The following EP400 variants were observed in gnomAD, a reference collection of about 807,000 sequenced individuals.
EP400 encodes the protein E1A binding protein p400, also known as E1A-binding protein p400.
Under a neutral mutation model 354.1 loss-of-function variants are expected in EP400, and 105 were observed. That is an observed-to-expected ratio of 0.30 (90% CI 0.25 to 0.35). The LOEUF (loss-of-function observed/expected upper bound fraction) is 0.35. EP400 is among the 10% of genes least tolerant of loss of function. The pLI, the probability that EP400 is intolerant of heterozygous loss-of-function variation, is 1.00. For missense variants in EP400, 3,280 were observed against 4,121.0 expected (o/e 0.80, Z 5.59); for synonymous variants, 1,646 against 1,716.9 (o/e 0.96, Z 1.02).
chr12:131,974,475 A>G (rs1016288610), intron 2 of EP400, among the ~76,000 whole-genome samples: 1 of 152,146 alleles, frequency 6.6e-6, no homozygotes, highest in African/African-American at 2.4e-5. Context: ...GGTAGCTGCC[A>G]ACTACTATTG....
At chr12:132,069,258 C>T (rs1895996512) in intron 50 of EP400, 1 of 519,226 alleles carries the variant, frequency 1.9e-6, no homozygotes, top group Non-Finnish European at 3.3e-6. Flanking sequence ...GGGCTGCAGG[C>T]AACGGCCAGG....
At chr12:132,051,174 T>A (rs1445822152) in intron 41 of EP400, among the ~76,000 whole-genome samples, 2 of 152,194 alleles carry the variant, frequency 1.3e-5, no homozygotes, top group African/African-American at 4.8e-5. Flanking sequence ...TGGGTGTCTG[T>A]AGCGTTTCTG....
chr12:132,035,285 T>C (rs55879510), intron 30 of EP400, among the ~76,000 whole-genome samples: 47,731 of 152,094 alleles, frequency 0.31, 13,569 homozygotes, highest in African/African-American at 0.76. Flanking sequence ...TTGATGGGGA[T>C]GTGGGATTGC....
chr12:132,011,019 A>G (rs920048808), intron 15 of EP400, among the ~76,000 whole-genome samples: 5 of 152,244 alleles, frequency 3.3e-5, no homozygotes, highest in Non-Finnish European at 7.3e-5. Context: ...ATGTGCCCTG[A>G]CTAAAGCTTG....
intron 12 of EP400, among the ~76,000 whole-genome samples, chr12:131,998,258 A>G (rs982162566): frequency 1.3e-5 from 2 of 152,150 alleles, no homozygotes; most frequent in Non-Finnish European, 1.5e-5. Context: ...GATCTTGTCT[A>G]TTTGGGGACT....
In EP400 at chr12:132,013,173, G is replaced by A; in HGVS notation, c.3606G>A (p.Leu1202=). The change falls in exon 17 of 53, where the codon CTG becomes CTA. Residue 1202 remains leucine, a synonymous_variant. Transcript: ENST00000389561. This position sits in a 1 kb window ranked among gnomAD's most constrained non-coding sequence, Gnocchi z 4.5. The part of the protein sequence containing the change: ...TERHWEAVFT[L]QSQQRLLLID... ...GGCACTGGGAAGCGGTTTTCACCCT[G>A]CAGAGGTCTGTGTGTTACGCGCTTG... 6 of 1,612,510 alleles carry A rather than the reference G, an allele frequency of 3.7e-6. No individual in the cohort carries two copies. The East Asian group carries it at 1.1e-4, about 30-fold the overall frequency.
intron 51 of EP400, among the ~76,000 whole-genome samples, chr12:132,072,358 T>C (rs1896093464): frequency 6.6e-6 from 1 of 152,248 alleles, no homozygotes; most frequent in Non-Finnish European, 1.5e-5. Flanking sequence ...TCACAAATTT[T>C]ATTATTTGGT....
intron 2 of EP400, among the ~76,000 whole-genome samples, chr12:131,970,175 C>T (rs1892239618): frequency 6.6e-6 from 1 of 152,234 alleles, no homozygotes; most frequent in African/African-American, 2.4e-5. Flanking sequence ...TTATAGACCA[C>T]ACTGATAAGT....
chr12:132,011,997 T>C (rs1222867040), intron 16 of EP400, among the ~76,000 whole-genome samples: 1 of 152,214 alleles, frequency 6.6e-6, no homozygotes, highest in Non-Finnish European at 1.5e-5. Flanking sequence ...TGCTCCCAGC[T>C]CTGAATTTAA....
Position 132,027,956 on chromosome 12 carries a change from G to A in EP400, c.5110-61G>A. On this transcript the variant is annotated intron_variant, in intron 26 of 52. Coordinates refer to ENST00000389561, the MANE Select transcript of EP400 (RefSeq NM_015409.5). The surrounding 1 kb of genome is among the most constrained non-coding windows in gnomAD (Gnocchi z 4.9). ...ATCACGGGCTGGGTGGGGGGTTGGTGAAGACAGGAACTTGTCATTCTGTTT... is the reference window on the plus strand; with the variant it reads ...ATCACGGGCTGGGTGGGGGGTTGGTAAAGACAGGAACTTGTCATTCTGTTT... 6.4e-7 allele frequency: 1 copy of A among 1,567,252 alleles called. No individual in the cohort carries two copies. Among genetic ancestry groups the A allele is most frequent in the Non-Finnish European group, 8.7e-7 (1 of 1,150,294 alleles).
intron 6 of EP400, 66 bp from the exon 7 acceptor site, chr12:131,987,639 G>C (rs1593328101): frequency 2.1e-6 from 3 of 1,408,336 alleles, no homozygotes; most frequent in South Asian, 3.1e-5. Context: ...CAAATTTCTG[G>C]GGTCTGAGTT....
chr12:132,061,798 C>G (rs150032547), intron 45 of EP400, among the ~76,000 whole-genome samples: 1 of 152,196 alleles, frequency 6.6e-6, no homozygotes, highest in Non-Finnish European at 1.5e-5. Context: ...ACAGTCGTTA[C>G]GTTCCTGGGG....
rs141771146 is a variant in EP400, at chr12:132,028,191, G to T, written c.5284G>T (p.Gly1762Trp). ...GGATGGCCGTCGTGGGAAGGAGGCC[G>T]GGCCAGCGCACAGTTACACTTCATC... is the stretch of plus-strand genomic sequence containing the variant. ...SLDGRRGKEA[G>W]PAHSYTSSSE... Residue 1762 changes from glycine to tryptophan, a missense_variant, in exon 27 of 53, where the codon GGG becomes TGG. By Grantham distance (184) the Gly-to-Trp change is radical. Coordinates refer to ENST00000389561, the MANE Select transcript of EP400 (RefSeq NM_015409.5). The T allele has an allele frequency of 6.2e-7, 1 of 1,614,152 alleles. No individual in the cohort carries two copies. The highest frequency in any genetic ancestry group is 1.7e-5 in the Admixed American group (1 of 60,008).
Position 131,986,722 on chromosome 12 carries a change from C to T in EP400, c.2138C>T (p.Ala713Val), listed in dbSNP as rs1001346120. ...CGGACCCCAGGGGTGGTGGCATCTG[C>T]CCCCACCAAACCACAGAGTCCTGCT... ...TSRTPGVVASAPTKPQSPAQN... is the reference protein window; with the variant it reads ...TSRTPGVVASVPTKPQSPAQN... The change falls in exon 6 of 53, where the codon GCC (alanine) becomes GTC (valine). Residue 713 changes from alanine (A) to valine (V), a missense_variant. By Grantham distance (64) the Ala-to-Val change is moderately conservative (BLOSUM62 0). This residue lies in a region of EP400 where 800 missense variants were observed against 840.0 expected (regional missense o/e 0.95). Transcript: ENST00000389561. 5 of 1,614,206 alleles carry T rather than the reference C, an allele frequency of 3.1e-6. No individual in the cohort carries two copies. The highest frequency in any genetic ancestry group is 4.2e-6 in the Non-Finnish European group (5 of 1,180,042).
At position 132,050,893 on chromosome 12, in the gene EP400, G is replaced by T; in HGVS notation, c.7394+238G>T. 1.7e-6 allele frequency: 1 copy of T among 584,620 alleles called. No individual in the cohort carries two copies. The highest frequency in any genetic ancestry group is 3.0e-6 in the Non-Finnish European group (1 of 328,206). 36.2% of individuals were successfully genotyped at this position (584,620 alleles called of 1,614,324 possible). On this transcript the variant is annotated intron_variant, in intron 41 of 52. Transcript: ENST00000389561. This position sits in a 1 kb window ranked among gnomAD's most constrained non-coding sequence, Gnocchi z 4.8. ...GGGATTGTCCTTGCTGGCCCTCAGT[G>T]GGGAAAGACGCTGACAGATGTGATG...
chr12:131,973,272 G>GT (rs1447760839), intron 2 of EP400, among the ~76,000 whole-genome samples: 23 of 152,296 alleles, frequency 1.5e-4, no homozygotes, highest in African/African-American at 4.3e-4. Flanking sequence ...TCAGGAGAGC[G>GT]TAAGTCTCTT....
Position 131,987,766 on chromosome 12 carries a change from G to A in EP400, c.2285G>A (p.Arg762His), listed in dbSNP as rs368167632. 8.7e-6 allele frequency: 14 copies of A among 1,612,044 alleles called. No individual in the cohort carries two copies. The highest frequency in any genetic ancestry group is 8.5e-6 in the Non-Finnish European group (10 of 1,179,752). The stretch of plus-strand genomic sequence containing the variant: ...AAAGCAGGTCTGTGGTCCCAGAGGC[G>A]TCTGCCAAAGCTGCAGGAGGCCCCA... ...LRKAGLWSQR[R>H]LPKLQEAPRP... The change falls in exon 7 of 53, where the codon CGT becomes CAT. Residue 762 changes from arginine to histidine, a missense_variant. Arg to His is a conservative substitution (Grantham distance 29). This residue lies in a region of EP400 where 800 missense variants were observed against 840.0 expected (regional missense o/e 0.95). Coordinates refer to ENST00000389561, the MANE Select transcript of EP400 (RefSeq NM_015409.5).
At chr12:132,008,133 A>G (rs889643197) in intron 15 of EP400, among the ~76,000 whole-genome samples, 1 of 152,138 alleles carries the variant, frequency 6.6e-6, no homozygotes, top group African/African-American at 2.4e-5. Flanking sequence ...TTTTTAGTAG[A>G]GATGGGGTTT....
At chr12:132,053,866 A>C (rs1043538065) in intron 43 of EP400, among the ~76,000 whole-genome samples, 5 of 152,000 alleles carry the variant, frequency 3.3e-5, no homozygotes, top group African/African-American at 1.2e-4. Flanking sequence ...AGCTCCTTTT[A>C]GTGGAGGTGG....
Sources: gnomAD v4.1 joint callset for allele counts (sites outside exome capture counted in the v4.1 genomes callset) on GRCh38, gnomAD v4.1.1 for gene constraint, gnomAD v4.1.1 regional missense constraint, Gnocchi (gnomAD v3.1) non-coding constraint, MANE v1.5 for transcripts, NCBI Gene and HGNC (gene_info 2026-07-23, HGNC 2026-07-21) for gene names.